ABHD17C: variants seen among roughly 807,000 people sequenced by gnomAD.
ABHD17C encodes abhydrolase domain containing 17C, depalmitoylase.
Under a neutral mutation model 27.9 loss-of-function variants are expected in ABHD17C, and 11 were observed. That is an observed-to-expected ratio of 0.39 (90% CI 0.25 to 0.65). The LOEUF is 0.65. Among genes scored for constraint, ABHD17C ranks in the 30% least tolerant of loss-of-function variants. The pLI is 0.45. For missense variants in ABHD17C, 280 were observed against 470.2 expected (o/e 0.60, Z 3.74); for synonymous variants, 233 against 209.1 (o/e 1.11, Z -0.98).
In ABHD17C at chr15:80,754,181, T is replaced by A. The variant is rs1319531128; in HGVS notation, c.801T>A (p.Pro267=). The A allele has an allele frequency of 1.2e-6, 2 of 1,613,948 alleles. No homozygotes were observed. Among genetic ancestry groups the A allele is most frequent in the East Asian group, 4.5e-5 (2 of 44,880 alleles). ...ACAAGATATCTAAAGTCACCTCTCC[T>A]GTGTTGGTCATTCATGGTACAGAGG... ...SIDKISKVTS[P]VLVIHGTEDE... is the part of the protein sequence containing the mutation. Residue 267 remains proline, a synonymous_variant, in exon 3 of 3, where the codon CCT becomes CCA. Coordinates refer to ENST00000258884, the MANE Select transcript of ABHD17C (RefSeq NM_021214.2).
chr15:80,743,647 A>G (rs2141519855), intron 1 of ABHD17C, among the ~76,000 whole-genome samples: 1 of 152,202 alleles, frequency 6.6e-6, no homozygotes, highest in Admixed American at 6.5e-5. Context: ...CAGTGGTGTG[A>G]TCTCAGCCCA....
At chr15:80,739,880 C>A (rs1160939091) in intron 1 of ABHD17C, among the ~76,000 whole-genome samples, 3 of 152,134 alleles carry the variant, frequency 2.0e-5, no homozygotes, top group Non-Finnish European at 2.9e-5. Flanking sequence ...TAACTCAAAT[C>A]TTTTCCCTTT....
At chr15:80,738,202 G>A (rs1017787880) in intron 1 of ABHD17C, among the ~76,000 whole-genome samples, 1 of 152,116 alleles carries the variant, frequency 6.6e-6, no homozygotes, top group East Asian at 1.9e-4. Flanking sequence ...TGCTGTTAGC[G>A]TGAGTCAGGG....
At chr15:80,713,931 C>T (rs1367245025) in intron 1 of ABHD17C, among the ~76,000 whole-genome samples, 1 of 149,692 alleles carries the variant, frequency 6.7e-6, no homozygotes, top group Non-Finnish European at 1.5e-5. Flanking sequence ...CACACACACA[C>T]ACACACACAT....
chr15:80,730,282 T>C (rs1319262908), intron 1 of ABHD17C, among the ~76,000 whole-genome samples: 2 of 152,214 alleles, frequency 1.3e-5, no homozygotes, highest in African/African-American at 4.8e-5. Context: ...GACCACTCAG[T>C]TGGGTTCCTG....
At chr15:80,729,388 G>A (rs1002137684) in intron 1 of ABHD17C, among the ~76,000 whole-genome samples, 1 of 152,016 alleles carries the variant, frequency 6.6e-6, no homozygotes, top group Admixed American at 6.5e-5. Flanking sequence ...TAAATATTTT[G>A]TTCATATTGT....
At chr15:80,732,610 A>G (rs1005449389) in intron 1 of ABHD17C, among the ~76,000 whole-genome samples, 3 of 152,122 alleles carry the variant, frequency 2.0e-5, no homozygotes, top group Non-Finnish European at 4.4e-5. Context: ...GCAGAATGGA[A>G]AGTAGGAAAT....
intron 1 of ABHD17C, among the ~76,000 whole-genome samples, chr15:80,729,629 C>A (rs1232079018): frequency 6.6e-6 from 1 of 152,068 alleles, no homozygotes; most frequent in African/African-American, 2.4e-5. Flanking sequence ...CATTGCTTTT[C>A]TTTGATGGGA....
intron 1 of ABHD17C, among the ~76,000 whole-genome samples, chr15:80,735,595 T>C (rs1182348719): frequency 6.6e-6 from 1 of 152,110 alleles, no homozygotes; most frequent in Non-Finnish European, 1.5e-5. Context: ...AAACCCTCGC[T>C]CCAGCCAGGG....
At chr15:80,736,474 A>T (rs1895132062) in intron 1 of ABHD17C, among the ~76,000 whole-genome samples, 1 of 152,076 alleles carries the variant, frequency 6.6e-6, no homozygotes, top group Non-Finnish European at 1.5e-5. Context: ...CTATTTACAC[A>T]CCTGCTTCCC....
At chr15:80,723,311 C>T (rs985336258) in intron 1 of ABHD17C, among the ~76,000 whole-genome samples, 2 of 152,210 alleles carry the variant, frequency 1.3e-5, no homozygotes, top group African/African-American at 2.4e-5. Context: ...CCACTGACTT[C>T]TCAGCCTGTG....
intron 1 of ABHD17C, among the ~76,000 whole-genome samples, chr15:80,736,840 A>C (rs1290494872): frequency 2.6e-5 from 4 of 152,222 alleles, no homozygotes; most frequent in South Asian, 4.1e-4. Flanking sequence ...TCATGGTTGT[A>C]GAAGGAAAAG....
chr15:80,731,466 A>C (rs1455357274), intron 1 of ABHD17C, among the ~76,000 whole-genome samples: 1 of 152,140 alleles, frequency 6.6e-6, no homozygotes, highest in African/African-American at 2.4e-5. Context: ...GTGACAGGGA[A>C]GTCATCATCA....
chr15:80,752,910 T>G (rs1418809682), intron 2 of ABHD17C, among the ~76,000 whole-genome samples: 1 of 152,248 alleles, frequency 6.6e-6, no homozygotes, highest in Non-Finnish European at 1.5e-5. Context: ...GATCCTCAAA[T>G]ATTCATCCTT....
At chr15:80,700,204 G>A (rs954197770) in intron 1 of ABHD17C, among the ~76,000 whole-genome samples, 8 of 152,194 alleles carry the variant, frequency 5.3e-5, no homozygotes, top group African/African-American at 1.9e-4. Flanking sequence ...GTGCACAAGT[G>A]GCACCATGAC....
At chr15:80,753,116 T>C (rs561221341) in intron 2 of ABHD17C, among the ~76,000 whole-genome samples, 3 of 152,174 alleles carry the variant, frequency 2.0e-5, no homozygotes, top group Non-Finnish European at 4.4e-5. Context: ...GCAAATTAAG[T>C]GTCCAGCTTT....
At chr15:80,745,972 A>G (rs532479992) in intron 1 of ABHD17C, among the ~76,000 whole-genome samples, 1 of 152,290 alleles carries the variant, frequency 6.6e-6, no homozygotes, top group South Asian at 2.1e-4. Context: ...TAGAATTGCT[A>G]GGTTCCTGGG....
At chr15:80,747,443 G>A (rs1895304642) in intron 1 of ABHD17C, among the ~76,000 whole-genome samples, 1 of 152,146 alleles carries the variant, frequency 6.6e-6, no homozygotes, top group Non-Finnish European at 1.5e-5. Flanking sequence ...GGAGATCCCT[G>A]GGACAGCTTA....
intron 1 of ABHD17C, among the ~76,000 whole-genome samples, chr15:80,719,463 C>A (rs1255676578): frequency 6.6e-6 from 1 of 152,210 alleles, no homozygotes; most frequent in Non-Finnish European, 1.5e-5. Flanking sequence ...GTCAGCCTAA[C>A]TTTTACTACT....
Sources: allele counts gnomAD v4.1 joint callset (sites outside exome capture counted in the v4.1 genomes callset), GRCh38; gene constraint gnomAD v4.1.1; transcripts MANE v1.5; gene names NCBI Gene and HGNC (gene_info 2026-07-23, HGNC 2026-07-21).